The following ARHGEF37 variants were observed in gnomAD, a reference collection of about 807,000 sequenced individuals.
The protein encoded by ARHGEF37 is Rho guanine nucleotide exchange factor 37.
ARHGEF37 carries 55 observed loss-of-function variants against 71.1 expected under a neutral mutation model. The ratio of observed to expected loss-of-function variants is 0.77; its 90% CI spans 0.62 to 0.97. The LOEUF (loss-of-function observed/expected upper bound fraction) is 0.97. Ranked by LOEUF, ARHGEF37 falls within the 50% of genes least tolerant of loss-of-function variation. The probability of loss-of-function intolerance (pLI) is 0.00; values close to 1 mark genes in which losing one functional copy is unlikely to be tolerated. For synonymous variants in ARHGEF37, 327 were observed against 350.6 expected (o/e 0.93, Z 0.75); for missense variants, 765 against 836.8 (o/e 0.91, Z 1.06).
At chr5:149,597,718 T>C in intron 1 of ARHGEF37, 41 bp from the exon 2 acceptor site, 1 of 1,484,530 alleles carries the variant, frequency 6.7e-7, no homozygotes. Flanking sequence ...GTCCCAATAG[T>C]TCTTCCTGGA....
At chr5:149,630,686 C>T (rs938939436) in intron 12 of ARHGEF37, among the ~76,000 whole-genome samples, 3 of 152,174 alleles carry the variant, frequency 2.0e-5, no homozygotes, top group East Asian at 1.9e-4. Flanking sequence ...TTACCCCCGC[C>T]GCCCAGCTCC....
chr5:149,591,444 TGCCCTCATAGCTCACTGCA>T (rs1231909713), intron 1 of ARHGEF37, among the ~76,000 whole-genome samples: 8 of 152,090 alleles, frequency 5.3e-5, no homozygotes, highest in African/African-American at 1.7e-4. Flanking sequence ...AGTGCAGTAG[TGCCCTCATAGCTCACTGCA>T]GCCTTGAACT....
chr5:149,627,155 G>A lies in ARHGEF37; in HGVS notation c.1544G>A (p.Ser515Asn). The A allele has an allele frequency of 1.2e-6, 2 of 1,614,182 alleles. No homozygotes were observed. Among genetic ancestry groups the A allele is most frequent in the South Asian group, 1.1e-5 (1 of 91,088 alleles). The change falls in exon 11 of 13, where the codon AGC becomes AAC. Residue 515 changes from serine (S) to asparagine (N), a missense_variant. Around this residue, in one of 5 missense-constraint regions of ARHGEF37, gnomAD observed 390 missense variants for 407.4 expected, o/e 0.96. Coordinates refer to ENST00000333677, the MANE Select transcript of ARHGEF37 (RefSeq NM_001001669.3). ...CCTGGGAAGCTGTACCAGGTGACAA[G>A]CAACATCAGTGGGACTGGGACTCTG... is the stretch of plus-strand genomic sequence containing the variant. ...YGPGKLYQVT[S>N]NISGTGTLDL...
chr5:149,629,020 G>A, intron 12 of ARHGEF37, 54 bp downstream of exon 12: 2 of 1,559,182 alleles, frequency 1.3e-6, no homozygotes, highest in South Asian at 1.2e-5. Flanking sequence ...CCGGACTGTG[G>A]CTTGGATTTT....
chr5:149,628,010 A>G (rs1052570150), intron 11 of ARHGEF37, among the ~76,000 whole-genome samples: 4 of 152,248 alleles, frequency 2.6e-5, no homozygotes, highest in Non-Finnish European at 5.9e-5. Context: ...ATATAGTACA[A>G]GATGAAGTTT....
intron 12 of ARHGEF37, among the ~76,000 whole-genome samples, chr5:149,630,708 G>A (rs1752855459): frequency 1.3e-5 from 2 of 152,200 alleles, no homozygotes; most frequent in Admixed American, 1.3e-4. Context: ...GTCAATGGGG[G>A]TGGTGTCTCA....
At position 149,627,124 on chromosome 5, in the gene ARHGEF37, TA is replaced by T; in HGVS notation, c.1514del (p.Tyr505LeufsTer9). 6 of 1,614,128 alleles carry T rather than the reference TA, an allele frequency of 3.7e-6. No homozygotes were observed. The highest frequency in any genetic ancestry group is 4.2e-6 in the Non-Finnish European group (5 of 1,180,022). ...ERQVQALLSR[Y>X]GPGKLYQVTS... is the part of the protein sequence containing the mutation. The stretch of plus-strand genomic sequence containing the variant: ...CCAGGTGCAGGCTCTCCTGAGCAGG[TA>T]TGGCCCTGGGAAGCTGTACCAGGTG... On this transcript the variant is annotated frameshift_variant, in exon 11 of 13. Transcript: ENST00000333677. LOFTEE classifies it high-confidence loss of function.
chr5:149,628,707 TGAGA>T, intron 11 of ARHGEF37, 98 bp from the exon 12 acceptor site: 1 of 1,422,970 alleles, frequency 7.0e-7, no homozygotes, highest in Non-Finnish European at 9.4e-7. Context: ...TCTTGGGTGT[TGAGA>T]AGCTGTGTTG....
At chr5:149,606,900 C>G (rs1022627742) in intron 3 of ARHGEF37, among the ~76,000 whole-genome samples, 16 of 152,196 alleles carry the variant, frequency 1.1e-4, no homozygotes, top group Non-Finnish European at 1.3e-4. Context: ...CTTATTTCCT[C>G]TACTTTATTT....
At chr5:149,627,388 A>T in intron 11 of ARHGEF37, 117 bp downstream of exon 11, 1 of 1,158,120 alleles carries the variant, frequency 8.6e-7, no homozygotes, top group Non-Finnish European at 1.2e-6. Flanking sequence ...CCAGGATGGG[A>T]GTAGGCACAG....
chr5:149,610,597 G>A (rs1228041253), intron 4 of ARHGEF37, among the ~76,000 whole-genome samples: 5 of 152,222 alleles, frequency 3.3e-5, no homozygotes, highest in African/African-American at 7.2e-5. Flanking sequence ...TCAAGAACCC[G>A]TGTCCTAGCC....
chr5:149,621,858 G>A lies in ARHGEF37; in HGVS notation c.1131G>A (p.Lys377=), dbSNP rs780707855. 6.2e-7 allele frequency: 1 copy of A among 1,614,254 alleles called. No individual in the cohort carries two copies. Among genetic ancestry groups the A allele is most frequent in the Admixed American group, 1.7e-5 (1 of 60,028 alleles). ...TGGACTTTGAGCGGGTGGAAGAGAA[G>A]CTGCTGGAGGTGGGCAGTGTGACCT... is the stretch of plus-strand genomic sequence containing the variant. The part of the protein sequence containing the change: ...KLLDFERVEE[K]LLEVGSVTYQ... The change falls in exon 9 of 13, where the codon AAG becomes AAA. Residue 377 remains lysine (K), a synonymous_variant. Transcript: ENST00000333677.
intron 12 of ARHGEF37, among the ~76,000 whole-genome samples, chr5:149,629,588 C>T (rs1752812213): frequency 6.6e-6 from 1 of 152,114 alleles, no homozygotes; most frequent in South Asian, 2.1e-4. Context: ...ATATGAGGAA[C>T]CGAATGAAGC....
rs1317104939 is a variant in ARHGEF37 at position 149,632,358 on chromosome 5, G to A, written c.*167G>A. The A allele has an allele frequency of 2.8e-6, 2 of 711,714 alleles. No individual in the cohort carries two copies. The highest frequency in any genetic ancestry group is 1.8e-5 in the African/African-American group (1 of 55,996). 44.1% of individuals were successfully genotyped at this position (711,714 alleles called of 1,614,324 possible). A position where few individuals can be genotyped will look rare whatever the true frequency, so the allele number is the denominator to read the frequency against. On this transcript the variant is annotated 3_prime_UTR_variant, in exon 13 of 13. Coordinates refer to ENST00000333677, the MANE Select transcript of ARHGEF37 (RefSeq NM_001001669.3). ...AGAAGACATGGGCGGGCCTCGCAGA[G>A]TGCTTGGTGTGGTGGGGGCACAGGA...
At chr5:149,565,703 T>C (rs545580539) in intron 1 of ARHGEF37, among the ~76,000 whole-genome samples, 4 of 152,262 alleles carry the variant, frequency 2.6e-5, no homozygotes, top group African/African-American at 9.6e-5. Flanking sequence ...CCCCAGCCCT[T>C]ATGAGGTTTA....
chr5:149,626,942 C>A, intron 10 of ARHGEF37, 134 bp from the exon 11 acceptor site: 1 of 869,276 alleles, frequency 1.2e-6, no homozygotes, highest in Non-Finnish European at 1.7e-6. Flanking sequence ...TTGCCCTGAT[C>A]AGGGTGGGCC....
rs771315101 is a variant in ARHGEF37, at chr5:149,621,887, A to G, written c.1160A>G (p.Gln387Arg). The part of the protein sequence containing the change: ...KLLEVGSVTY[Q>R]EEAARHTYQA... ...CTGGAGGTGGGCAGTGTGACCTACC[A>G]GGAGGAGGCCGCCCGGCACACATAC... The change falls in exon 9 of 13, where the codon CAG becomes CGG. Residue 387 changes from glutamine to arginine, a missense_variant. Physicochemically the swap from Gln to Arg is conservative, Grantham distance 43. Around this residue, in one of 5 missense-constraint regions of ARHGEF37, gnomAD observed 390 missense variants for 407.4 expected, o/e 0.96. Coordinates refer to ENST00000333677, the MANE Select transcript of ARHGEF37 (RefSeq NM_001001669.3). 1 of 1,614,232 alleles carries G rather than the reference A, an allele frequency of 6.2e-7. No individual in the cohort carries two copies. Among genetic ancestry groups the G allele is most frequent in the East Asian group, 2.2e-5 (1 of 44,880 alleles).
At chr5:149,602,301 T>A (rs968655220) in intron 3 of ARHGEF37, among the ~76,000 whole-genome samples, 1 of 152,164 alleles carries the variant, frequency 6.6e-6, no homozygotes, top group Non-Finnish European at 1.5e-5. Context: ...TTGATCCACC[T>A]GCCTTGGCCT....
chr5:149,631,961 G>A, intron 12 of ARHGEF37, 21 bp from the exon 13 acceptor site: 1 of 1,612,132 alleles, frequency 6.2e-7, no homozygotes, highest in Non-Finnish European at 8.5e-7. Context: ...CCATTTCTGT[G>A]TCACTCCCCA....
Sources: gnomAD v4.1 joint callset for allele counts (sites outside exome capture counted in the v4.1 genomes callset) on GRCh38, gnomAD v4.1.1 for gene constraint, gnomAD v4.1.1 regional missense constraint, MANE v1.5 for transcripts, NCBI Gene and HGNC (gene_info 2026-07-23, HGNC 2026-07-21) for gene names.